Variants in KCNIP1 observed in about 807,000 individuals in gnomAD.
The protein encoded by KCNIP1 is potassium voltage-gated channel interacting protein 1.
Under a neutral mutation model 33.0 loss-of-function variants are expected in KCNIP1, and 18 were observed. That is an observed-to-expected ratio of 0.55 (90% confidence interval 0.38 to 0.81). The LOEUF (loss-of-function observed/expected upper bound fraction) is 0.81, where lower values mean the gene tolerates loss of function less well. Ranked by LOEUF, KCNIP1 falls within the 30% of genes least tolerant of loss-of-function variation. The pLI, the probability that KCNIP1 is intolerant of heterozygous loss-of-function variation, is 0.00. For synonymous variants in KCNIP1, 93 were observed against 98.3 expected, an observed-to-expected ratio of 0.95 and a Z score of 0.32; for missense variants, 238 against 271.6, an observed-to-expected ratio of 0.88 and a Z score of 0.87.
At chr5:170,655,659 G>A (rs572161842) in intron 1 of KCNIP1, among the ~76,000 whole-genome samples, 47 of 152,324 alleles carry the variant, frequency 3.1e-4, no homozygotes, top group South Asian at 6.2e-4. Context: ...TGGTGTGTCA[G>A]AGTAGAGGAG....
chr5:170,498,237 CT>C (rs34252493), intron 1 of KCNIP1, among the ~76,000 whole-genome samples: 1 of 152,350 alleles, frequency 6.6e-6, no homozygotes, highest in East Asian at 1.9e-4. Flanking sequence ...GTGTCAGGCA[CT>C]TTTGTAATCA....
At chr5:170,477,804 TC>T (rs1488589425) in intron 1 of KCNIP1, among the ~76,000 whole-genome samples, 16 of 152,194 alleles carry the variant, frequency 1.1e-4, no homozygotes, top group African/African-American at 3.9e-4. Context: ...TGTTGCTTAC[TC>T]CTTGAACAAA....
At chr5:170,443,080 C>A (rs868442257) in intron 1 of KCNIP1, among the ~76,000 whole-genome samples, 6 of 152,272 alleles carry the variant, frequency 3.9e-5, no homozygotes, top group Non-Finnish European at 1.5e-5. Flanking sequence ...AGGGGCTCAG[C>A]TAGTGGAGGG....
At chr5:170,364,659 G>A (rs973619858) in intron 1 of KCNIP1, among the ~76,000 whole-genome samples, 2 of 152,048 alleles carry the variant, frequency 1.3e-5, no homozygotes, top group Non-Finnish European at 2.9e-5. Flanking sequence ...TGCGGTTGCC[G>A]TCCCTCCTCA....
intron 1 of KCNIP1, among the ~76,000 whole-genome samples, chr5:170,528,592 C>T (rs550893313): frequency 1.3e-4 from 20 of 152,310 alleles, no homozygotes; most frequent in African/African-American, 4.8e-4. Flanking sequence ...CTTGAAGGGG[C>T]TTGTGCCAGG....
At chr5:170,605,635 T>C (rs1474553010) in intron 1 of KCNIP1, among the ~76,000 whole-genome samples, 1 of 152,196 alleles carries the variant, frequency 6.6e-6, no homozygotes, top group Non-Finnish European at 1.5e-5. Flanking sequence ...TCTGTTTCTG[T>C]GGATTTGCCT....
chr5:170,682,784 CTTTTTTTTTT>C lies in KCNIP1; in HGVS notation c.62-35958_62-35949del, dbSNP rs70979196. On this transcript the variant is annotated intron_variant, in intron 1 of 7. Transcript: ENST00000328939. ...CAACAGCGTCCTATTTTCTTTGTTT[CTTTTTTTTTT>C]TTTTTTTTTTTTTTTGATGAGACAG... Among the ~76,000 whole-genome samples the C allele has an allele frequency of 2.4e-3, 169 of 71,400 alleles. 3 individuals are homozygous for C. The Middle Eastern group carries it at 0.065, about 28-fold the overall frequency. The allele number at this position is 71,400 out of a possible 152,430, so 46.8% of individuals were successfully genotyped here.
At chr5:170,451,930 ACT>A (rs1205256810) in intron 1 of KCNIP1, among the ~76,000 whole-genome samples, 3 of 151,792 alleles carry the variant, frequency 2.0e-5, no homozygotes, top group African/African-American at 4.8e-5. Flanking sequence ...TGGAGCAGAC[ACT>A]CTCTATCCCA....
intron 1 of KCNIP1, among the ~76,000 whole-genome samples, chr5:170,447,695 C>T (rs745740248): frequency 1.3e-4 from 20 of 151,938 alleles, no homozygotes; most frequent in Admixed American, 6.6e-4. Flanking sequence ...GCTCCTGGCC[C>T]GTAGCCTCTG....
At chr5:170,511,216 A>T (rs1031934753) in intron 1 of KCNIP1, among the ~76,000 whole-genome samples, 59 of 152,356 alleles carry the variant, frequency 3.9e-4, no homozygotes, top group Non-Finnish European at 7.1e-4. Context: ...CTCAAAAAAA[A>T]TAAAAATTAA....
chr5:170,721,021 C>A (rs1763800768), intron 3 of KCNIP1, among the ~76,000 whole-genome samples: 1 of 152,242 alleles, frequency 6.6e-6, no homozygotes, highest in South Asian at 2.1e-4. Flanking sequence ...GGCCTGGGAC[C>A]ACATCGGTGA....
intron 1 of KCNIP1, among the ~76,000 whole-genome samples, chr5:170,558,314 G>C (rs528234786): frequency 1.3e-5 from 2 of 152,340 alleles, no homozygotes; most frequent in South Asian, 4.1e-4. Context: ...GAGGTGAGTG[G>C]ATGGCTTGAG....
At chr5:170,529,221 C>A (rs539366316) in intron 1 of KCNIP1, among the ~76,000 whole-genome samples, 4 of 152,328 alleles carry the variant, frequency 2.6e-5, no homozygotes, top group African/African-American at 9.6e-5. Flanking sequence ...GTCTTGGCTT[C>A]ATTCTCAGGA....
chr5:170,603,356 C>T (rs375192857), intron 1 of KCNIP1, among the ~76,000 whole-genome samples: 70 of 152,184 alleles, frequency 4.6e-4, no homozygotes, highest in African/African-American at 1.5e-3. Flanking sequence ...CTTCCACTTC[C>T]GTCACTTGAG....
chr5:170,474,496 C>T (rs1040162327), intron 1 of KCNIP1, among the ~76,000 whole-genome samples: 58 of 152,144 alleles, frequency 3.8e-4, no homozygotes, highest in Admixed American at 3.6e-3. Context: ...GGTTAACCAC[C>T]GTTCCCTCCC....
chr5:170,556,629 G>A (rs926465954), intron 1 of KCNIP1, among the ~76,000 whole-genome samples: 3 of 152,198 alleles, frequency 2.0e-5, no homozygotes, highest in African/African-American at 7.2e-5. Context: ...GTGGCAGCTG[G>A]GCCCGGAAGC....
intron 2 of KCNIP1, 21 bp from the exon 3 acceptor site, chr5:170,720,300 G>A (rs202147692): frequency 6.2e-7 from 1 of 1,603,006 alleles, no homozygotes; most frequent in African/African-American, 1.3e-5. Flanking sequence ...GCCTCCCGCT[G>A]ACTCTCTCCC....
intron 1 of KCNIP1, among the ~76,000 whole-genome samples, chr5:170,390,517 A>AAAAAAAAAAAAAAAAAAAAATATATAT: frequency 2.7e-5 from 2 of 74,538 alleles, no homozygotes; most frequent in Admixed American, 1.5e-4. Context: ...AAAAAAAACA[A>AAAAAAAAAAAAAAAAAAAAATATATAT]ATATATATAT....
chr5:170,633,005 G>T (rs764281398), intron 1 of KCNIP1, among the ~76,000 whole-genome samples: 1 of 152,190 alleles, frequency 6.6e-6, no homozygotes, highest in Non-Finnish European at 1.5e-5. Flanking sequence ...TCTCCCCGAG[G>T]AATAATTGTG....
Sources: allele counts gnomAD v4.1 joint callset (sites outside exome capture counted in the v4.1 genomes callset), GRCh38; gene constraint gnomAD v4.1.1; transcripts MANE v1.5; gene names NCBI Gene and HGNC (gene_info 2026-07-23, HGNC 2026-07-21).